TNR: variants seen among roughly 807,000 people sequenced by gnomAD.
TNR encodes tenascin R, also known as tenascin-R.
Under a neutral mutation model 150.4 loss-of-function variants are expected in TNR, and 45 were observed. The observed-to-expected ratio is 0.30, with a 90% CI of 0.24 to 0.38. The LOEUF (loss-of-function observed/expected upper bound fraction) is 0.38, where lower values mean the gene tolerates loss of function less well. TNR is among the 10% of genes least tolerant of loss of function. The pLI, the probability that TNR is intolerant of heterozygous loss-of-function variation, is 1.00. For synonymous variants in TNR, 687 were observed against 678.4 expected, an observed-to-expected ratio of 1.01 and a Z score of -0.20; for missense variants, 1,544 against 1,759.1, an observed-to-expected ratio of 0.88 and a Z score of 2.19.
intron 10 of TNR, among the ~76,000 whole-genome samples, chr1:175,366,343 A>G (rs540379185): frequency 5.9e-5 from 9 of 152,350 alleles, no homozygotes; most frequent in African/African-American, 1.7e-4. Context: ...AACAATCTGA[A>G]GAAAGCCGTG....
chr1:175,331,050 T>TTTCTTTCTTTCTTTCC (rs1649782749), intron 20 of TNR, among the ~76,000 whole-genome samples: 6 of 95,804 alleles, frequency 6.3e-5, no homozygotes, highest in African/African-American at 2.1e-4. Flanking sequence ...TCTTTCTTTC[T>TTTCTTTCTTTCTTTCC]TTCTTTCTTT....
chr1:175,450,503 A>C (rs1656254686), intron 2 of TNR, among the ~76,000 whole-genome samples: 1 of 152,232 alleles, frequency 6.6e-6, no homozygotes, highest in South Asian at 2.1e-4. Context: ...CTGGGCTCCC[A>C]AAGTGGCTTG....
intron 1 of TNR, among the ~76,000 whole-genome samples, chr1:175,623,227 T>C (rs968655437): frequency 4.6e-5 from 7 of 152,216 alleles, no homozygotes; most frequent in Non-Finnish European, 8.8e-5. Context: ...ATCTGCCAAA[T>C]TCACCACTAT....
chr1:175,657,021 T>C (rs1317914058), intron 1 of TNR, among the ~76,000 whole-genome samples: 1 of 151,940 alleles, frequency 6.6e-6, no homozygotes, highest in African/African-American at 2.4e-5. Context: ...GGAGGTAAAG[T>C]GGTAGATCCA....
chr1:175,458,040 A>G (rs1656642202), intron 2 of TNR, among the ~76,000 whole-genome samples: 1 of 152,234 alleles, frequency 6.6e-6, no homozygotes, highest in Non-Finnish European at 1.5e-5. Context: ...AAAATGGGGA[A>G]ATAGTACCCA....
intron 20 of TNR, among the ~76,000 whole-genome samples, chr1:175,332,698 G>A (rs1268927708): frequency 6.6e-6 from 1 of 152,132 alleles, no homozygotes; most frequent in Non-Finnish European, 1.5e-5. Flanking sequence ...GCCTAAGTTT[G>A]CAGTTGTCAG....
Position 175,562,962 on chromosome 1 carries a change from G to A in TNR, c.-164-34593C>T, listed in dbSNP as rs566140406. Among the ~76,000 whole-genome samples the A allele has an allele frequency of 5.3e-5, 8 of 152,306 alleles. No individual in the cohort carries two copies. In the East Asian group the frequency reaches 1.2e-3, roughly 22 times the overall value. ...ATTGGCCAAGTTCCACGAAGAGATC[G>A]ATAGAATCAGTGGTTGACCAAATGG... On this transcript the variant is annotated intron_variant, in intron 1 of 22. Transcript: ENST00000367674.
In TNR at chr1:175,680,548, G is replaced by A. The variant is rs142442857; in HGVS notation, c.-165+62678C>T. On this transcript the variant is annotated intron_variant, in intron 1 of 22. Coordinates refer to ENST00000367674, the MANE Select transcript of TNR (RefSeq NM_003285.3). ...ACCCTGTGTGCCATCGGAGTAGAGA[G>A]ATGAGAGAAATCAGAAGGAGAAAAA... is the stretch of plus-strand genomic sequence containing the variant. Among the ~76,000 whole-genome samples the A allele has an allele frequency of 3.5e-3, 529 of 152,314 alleles. 9 individuals carry two copies. Among genetic ancestry groups the A allele is most frequent in the African/African-American group, 0.012 (486 of 41,562 alleles).
intron 1 of TNR, among the ~76,000 whole-genome samples, chr1:175,713,814 C>A (rs761267705): frequency 1.3e-5 from 2 of 152,200 alleles, no homozygotes; most frequent in Non-Finnish European, 2.9e-5. Flanking sequence ...ACTGAAATTG[C>A]CAGTTAGGCC....
rs113772435 is a variant in TNR, at chr1:175,400,798, G to A, written c.976+2342C>T. The stretch of plus-strand genomic sequence containing the variant: ...GTGGTGTGTGCACCCGGCCAGGAAC[G>A]TCAAACAGTGGATAAATAGCCCCTT... On this transcript the variant is annotated intron_variant, in intron 4 of 22. Transcript: ENST00000367674. 3.2e-3 allele frequency among the ~76,000 whole-genome samples: 484 copies of A among 152,260 alleles called. 4 individuals are homozygous for A. Among genetic ancestry groups the A allele is most frequent in the African/African-American group, 0.011 (462 of 41,550 alleles).
At chr1:175,733,370 A>C (rs1334073846) in intron 1 of TNR, among the ~76,000 whole-genome samples, 1 of 152,120 alleles carries the variant, frequency 6.6e-6, no homozygotes, top group South Asian at 2.1e-4. Flanking sequence ...TGCACTTCTC[A>C]CTGTCTCCTG....
chr1:175,356,614 G>A, intron 15 of TNR, 152 bp from the exon 16 acceptor site: 1 of 909,506 alleles, frequency 1.1e-6, no homozygotes, highest in East Asian at 2.7e-5. Context: ...CTTACTCTTT[G>A]CAAGGATTCC....
intron 2 of TNR, among the ~76,000 whole-genome samples, chr1:175,469,903 A>G (rs1657208768): frequency 6.6e-6 from 1 of 152,088 alleles, no homozygotes; most frequent in Non-Finnish European, 1.5e-5. Context: ...GAGTGAGGGC[A>G]TCAGCTGCTG....
intron 2 of TNR, among the ~76,000 whole-genome samples, chr1:175,502,664 G>A (rs1024297102): frequency 1.1e-4 from 16 of 152,228 alleles, no homozygotes; most frequent in African/African-American, 3.4e-4. Flanking sequence ...CTCAGAATAC[G>A]TTTCCAGGAA....
intron 1 of TNR, among the ~76,000 whole-genome samples, chr1:175,691,114 G>A (rs777260156): frequency 4.2e-4 from 64 of 151,026 alleles, no homozygotes; most frequent in Non-Finnish European, 8.0e-4. Context: ...TAGTTGGATA[G>A]CACCATGGAC....
intron 1 of TNR, among the ~76,000 whole-genome samples, chr1:175,645,297 A>C (rs972689660): frequency 1.3e-5 from 2 of 152,242 alleles, no homozygotes; most frequent in Non-Finnish European, 2.9e-5. Flanking sequence ...AAAATGAAGC[A>C]GAAGGACAGT....
chr1:175,405,654 C>T lies in TNR; in HGVS notation c.499+562G>A, dbSNP rs113892413. ...GTGTGTGTGTGTGTGTGTGTGCATA[C>T]GCTTCTGTGTGCTTTTTGAGGGGGC... On this transcript the variant is annotated intron_variant, in intron 3 of 22. Coordinates refer to ENST00000367674, the MANE Select transcript of TNR (RefSeq NM_003285.3). Among the ~76,000 whole-genome samples the T allele has an allele frequency of 3.9e-4, 59 of 150,248 alleles. No individual in the cohort carries two copies. The South Asian group carries it at 4.7e-3, about 12-fold the overall frequency.
At chr1:175,335,851 C>T in intron 19 of TNR, 44 bp from the exon 20 acceptor site, 6 of 1,554,084 alleles carry the variant, frequency 3.9e-6, no homozygotes, top group Non-Finnish European at 5.3e-6. Flanking sequence ...AACAAAAAAA[C>T]AAAACCCAAA....
intron 19 of TNR, 102 bp downstream of exon 19, chr1:175,337,426 G>A: frequency 7.1e-7 from 1 of 1,415,938 alleles, no homozygotes; most frequent in African/African-American, 1.4e-5. Context: ...GGTGATAAAA[G>A]GATGGCCAGG....
Sources: allele counts gnomAD v4.1 joint callset (sites outside exome capture counted in the v4.1 genomes callset), GRCh38; gene constraint gnomAD v4.1.1; transcripts MANE v1.5; gene names NCBI Gene and HGNC (gene_info 2026-07-23, HGNC 2026-07-21).